The following ZNF90 variants were observed in gnomAD, a reference collection of about 807,000 sequenced individuals.
ZNF90 encodes zinc finger protein 90, also known as zinc finger protein HTF9.
A neutral mutation model predicts 12.0 loss-of-function variants in ZNF90; 11 were observed. The observed-to-expected ratio is 0.92, with a 90% CI of 0.58 to 1.52. The LOEUF is 1.52. ZNF90 is among the 40% of genes most tolerant of loss of function. The pLI, the probability that ZNF90 is intolerant of heterozygous loss-of-function variation, is 0.00. For synonymous variants in ZNF90, 232 were observed against 240.1 expected (o/e 0.97, Z 0.31); for missense variants, 765 against 711.5 (o/e 1.08, Z -0.86).
rs1555706461 is a variant in ZNF90, at chr19:20,120,723, TTAGA to T, written c.*1366_*1369del. 2 of 152,226 alleles carry T rather than the reference TTAGA, an allele frequency of 1.3e-5. No homozygotes were observed. The highest frequency in any genetic ancestry group is 2.9e-5 in the Non-Finnish European group (2 of 68,042). 9.4% of individuals were successfully genotyped at this position (152,226 alleles called of 1,614,324 possible). A position where few individuals can be genotyped will look rare whatever the true frequency, so the allele number is the denominator to read the frequency against. On this transcript the variant is annotated 3_prime_UTR_variant, in exon 4 of 4. Coordinates refer to ENST00000418063, the MANE Select transcript of ZNF90 (RefSeq NM_007138.2). Reference sequence around the variant, plus strand: ...AAAAAAGAATCCACAACAAAAATTGTTAGATAAATTATATATAGCTTTAAAAGGT... The same window carrying T: ...AAAAAAGAATCCACAACAAAAATTGTTAAATTATATATAGCTTTAAAAGGT...
chr19:20,088,004 A>G (rs2088873122), intron 1 of ZNF90, among the ~76,000 whole-genome samples: 1 of 151,940 alleles, frequency 6.6e-6, no homozygotes, highest in Admixed American at 6.6e-5. Context: ...TTTGTGGTGG[A>G]ATGTCATCAG....
intron 1 of ZNF90, among the ~76,000 whole-genome samples, chr19:20,084,631 T>G (rs1295728112): frequency 6.6e-6 from 1 of 152,216 alleles, no homozygotes; most frequent in Non-Finnish European, 1.5e-5. Context: ...TTCCCTTTTC[T>G]CTGCAACCTT....
At chr19:20,080,237 C>G (rs561854370) in intron 1 of ZNF90, 1 of 582,330 alleles carries the variant, frequency 1.7e-6, no homozygotes, top group Admixed American at 1.9e-5. Context: ...TTGATGAGCA[C>G]GATGCAATTC....
intron 1 of ZNF90, among the ~76,000 whole-genome samples, chr19:20,084,490 C>T (rs557301780): frequency 6.6e-6 from 1 of 152,256 alleles, no homozygotes; most frequent in South Asian, 2.1e-4. Context: ...ATTTATATTT[C>T]TTTGGCTATA....
chr19:20,105,733 T>G (rs537038325), intron 3 of ZNF90, among the ~76,000 whole-genome samples: 14 of 152,342 alleles, frequency 9.2e-5, no homozygotes, highest in South Asian at 6.2e-4. Context: ...CTTTGTTCAT[T>G]TTTCTGCATG....
intron 3 of ZNF90, among the ~76,000 whole-genome samples, chr19:20,106,331 AT>A (rs1157736389): frequency 2.0e-5 from 3 of 152,006 alleles, no homozygotes; most frequent in Non-Finnish European, 4.4e-5. Flanking sequence ...ATTTCAATGG[AT>A]TTTTTATTTA....
chr19:20,098,382 C>G (rs557250126), intron 1 of ZNF90, among the ~76,000 whole-genome samples: 1 of 152,332 alleles, frequency 6.6e-6, no homozygotes, highest in South Asian at 2.1e-4. Flanking sequence ...ACATCTTGTT[C>G]ATTGACCTGC....
chr19:20,105,032 CAAAA>C (rs1326020179), intron 2 of ZNF90, among the ~76,000 whole-genome samples, 185 bp from the exon 3 acceptor site: 1 of 151,904 alleles, frequency 6.6e-6, no homozygotes, highest in Non-Finnish European at 1.5e-5. Flanking sequence ...CAAAACAAAA[CAAAA>C]AACCACACAC....
chr19:20,100,940 G>A (rs1366996876), intron 1 of ZNF90, among the ~76,000 whole-genome samples: 1 of 152,130 alleles, frequency 6.6e-6, no homozygotes, highest in Non-Finnish European at 1.5e-5. Flanking sequence ...TAAACCCCAG[G>A]CATTTGAGTC....
chr19:20,105,522 CT>C (rs1398259262), intron 3 of ZNF90, among the ~76,000 whole-genome samples: 1 of 152,184 alleles, frequency 6.6e-6, no homozygotes, highest in Non-Finnish European at 1.5e-5. Flanking sequence ...AAGGATTCTA[CT>C]TTTCTTTCGG....
Position 20,104,274 on chromosome 19 carries a change from C to T in ZNF90, c.39C>T (p.Phe13=), listed in dbSNP as rs2089012435. The change falls in exon 2 of 4, where the codon TTC becomes TTT. Residue 13 remains phenylalanine, a synonymous_variant. Coordinates refer to ENST00000418063, the MANE Select transcript of ZNF90 (RefSeq NM_007138.2). ...PLEFRDVAIE[F]SLEEWHCLDT... ...AATTTAGAGATGTGGCCATAGAATT[C>T]TCTCTGGAGGAGTGGCATTGCCTGG... 1.9e-6 allele frequency: 3 copies of T among 1,614,078 alleles called. No homozygotes were observed. Among genetic ancestry groups the T allele is most frequent in the East Asian group, 2.2e-5 (1 of 44,856 alleles).
chr19:20,118,616 A>G lies in ZNF90; in HGVS notation c.1062A>G (p.Leu354=), dbSNP rs1555706085. The G allele has an allele frequency of 1.2e-6, 2 of 1,610,096 alleles. No individual in the cohort carries two copies. Among genetic ancestry groups the G allele is most frequent in the Non-Finnish European group, 1.7e-6 (2 of 1,179,124 alleles). The change falls in exon 4 of 4, where the codon TTA becomes TTG. Residue 354 remains leucine, a synonymous_variant. Coordinates refer to ENST00000418063, the MANE Select transcript of ZNF90 (RefSeq NM_007138.2). ...EECGKAFRRS[L]VLRTHKRIHT... ...GTGGCAAAGCCTTCAGGCGCTCCTT[A>G]GTCCTTCGTACACATAAGAGAATTC...
At chr19:20,093,848 CA>C (rs1470532271) in intron 1 of ZNF90, among the ~76,000 whole-genome samples, 3 of 151,764 alleles carry the variant, frequency 2.0e-5, no homozygotes, top group Non-Finnish European at 2.9e-5. Flanking sequence ...CATGATGGTC[CA>C]GGGGGCTTCC....
At chr19:20,104,821 T>C (rs1349893802) in intron 2 of ZNF90, among the ~76,000 whole-genome samples, 1 of 152,068 alleles carries the variant, frequency 6.6e-6, no homozygotes, top group African/African-American at 2.4e-5. Flanking sequence ...ATAAAGAAAC[T>C]CTGTCTCTAC....
In ZNF90 at chr19:20,119,131, A is replaced by G. The variant is rs781897546; in HGVS notation, c.1577A>G (p.Lys526Arg). Residue 526 changes from lysine to arginine, a missense_variant, in exon 4 of 4, where the codon AAA becomes AGA. Transcript: ENST00000418063. ...TTCAAGCGCTCCTCAGTCCTTAGTA[A>G]ACATAAGATAATTCATACTGGAGCG... ...KAFKRSSVLS[K>R]HKIIHTGAKP... The G allele has an allele frequency of 1.9e-6, 3 of 1,610,570 alleles. No individual in the cohort carries two copies. The highest frequency in any genetic ancestry group is 2.7e-5 in the African/African-American group (2 of 73,870).
At chr19:20,106,525 C>T (rs1172549019) in intron 3 of ZNF90, among the ~76,000 whole-genome samples, 1 of 152,192 alleles carries the variant, frequency 6.6e-6, no homozygotes, top group Non-Finnish European at 1.5e-5. Flanking sequence ...CGCGATTTCG[C>T]TCATTGCAAG....
rs1187401750 is a variant in ZNF90 at position 20,093,999 on chromosome 19, TC to T, written c.4-10237del. Among the ~76,000 whole-genome samples, 3 of 152,130 alleles carry T rather than the reference TC, an allele frequency of 2.0e-5. No homozygotes were observed. The East Asian group carries it at 5.8e-4, about 29-fold the overall frequency. On this transcript the variant is annotated intron_variant, in intron 1 of 3. Transcript: ENST00000418063. Reference sequence around the variant, plus strand: ...GCTGGGCAGTCTGATTTGCAGTGAGTCCCTGCACAGATGGGACATGGCTTGG... The same window carrying T: ...GCTGGGCAGTCTGATTTGCAGTGAGTCCTGCACAGATGGGACATGGCTTGG...
intron 1 of ZNF90, among the ~76,000 whole-genome samples, chr19:20,079,453 G>GA (rs1325981764): frequency 2.0e-5 from 3 of 151,728 alleles, no homozygotes; most frequent in African/African-American, 7.3e-5. Context: ...TAGATTTATG[G>GA]AAAAAAATGA....
intron 1 of ZNF90, among the ~76,000 whole-genome samples, chr19:20,098,936 A>C (rs1459959418): frequency 6.6e-6 from 1 of 152,200 alleles, no homozygotes; most frequent in African/African-American, 2.4e-5. Flanking sequence ...TAGATAAGCT[A>C]GTTGCTTCCA....
Sources: gnomAD v4.1 joint callset for allele counts (sites outside exome capture counted in the v4.1 genomes callset) on GRCh38, gnomAD v4.1.1 for gene constraint, MANE v1.5 for transcripts, NCBI Gene and HGNC (gene_info 2026-07-23, HGNC 2026-07-21) for gene names.